Variants in DZANK1 observed in about 807,000 individuals in gnomAD.
DZANK1 encodes double zinc ribbon and ankyrin repeat-containing protein 1.
Under a neutral mutation model 94.5 loss-of-function variants are expected in DZANK1, and 91 were observed. The observed-to-expected ratio is 0.96, with a 90% CI of 0.81 to 1.15. The LOEUF is 1.15. Among genes scored for constraint, DZANK1 ranks in the 50% most tolerant of loss-of-function variants. The pLI is 0.00. For missense variants in DZANK1, 903 were observed against 916.4 expected (o/e 0.99, Z 0.19); for synonymous variants, 312 against 325.3 (o/e 0.96, Z 0.44).
At chr20:18,426,963 T>C in intron 10 of DZANK1, 104 bp downstream of exon 10, 1 of 663,030 alleles carries the variant, frequency 1.5e-6, no homozygotes, top group Non-Finnish European at 2.3e-6. Context: ...GAAGCTTTTT[T>C]TGGTCTCTCT....
chr20:18,415,466 C>A lies in DZANK1; in HGVS notation c.955-17G>T. The A allele has an allele frequency of 6.7e-7, 1 of 1,485,306 alleles. No homozygotes were observed. Among genetic ancestry groups the A allele is most frequent in the Non-Finnish European group, 9.0e-7 (1 of 1,111,520 alleles). The allele number at this position is 1,485,306 out of a possible 1,614,324, so 92.0% of individuals were successfully genotyped here. A position where few individuals can be genotyped will look rare whatever the true frequency, so the allele number is the denominator to read the frequency against. ...GCACATCGACTGGTGAATGAAATGG[C>A]ATTTAAAGGCAGGATCAGTACTATA... On this transcript the variant is annotated splice_polypyrimidine_tract_variant and intron_variant, in intron 10 of 20. Coordinates refer to ENST00000262547, the Ensembl canonical transcript of DZANK1.
intron 17 of DZANK1, among the ~76,000 whole-genome samples, chr20:18,391,008 C>T (rs1389842505): frequency 1.3e-5 from 2 of 152,094 alleles, no homozygotes. Context: ...CCAGCCTAGC[C>T]AACATGGTGA....
In DZANK1 at chr20:18,390,558, G is replaced by A. The variant is rs531977252; in HGVS notation, c.1810-99C>T. On this transcript the variant is annotated intron_variant, in intron 17 of 20. Coordinates refer to ENST00000262547, the Ensembl canonical transcript of DZANK1. ...ATTGAATTCTAAGTCACAAGGACAG[G>A]TGACTATGAGTGTGTGCATGTGTGA... The A allele has an allele frequency of 2.7e-6, 3 of 1,100,494 alleles. No homozygotes were observed. In the South Asian group the frequency reaches 3.9e-5, roughly 14 times the overall value. The allele number at this position is 1,100,494 out of a possible 1,614,324, so 68.2% of individuals were successfully genotyped here.
At chr20:18,390,804 T>C (rs142642698) in intron 17 of DZANK1, among the ~76,000 whole-genome samples, 2 of 152,214 alleles carry the variant, frequency 1.3e-5, no homozygotes, top group African/African-American at 4.8e-5. Flanking sequence ...AAAATTTATT[T>C]TGCATACTTT....
intron 6 of DZANK1, among the ~76,000 whole-genome samples, chr20:18,452,161 C>T (rs2059126581): frequency 6.6e-6 from 1 of 151,682 alleles, no homozygotes; most frequent in Non-Finnish European, 1.5e-5. Flanking sequence ...TGGTTTGAAG[C>T]TCTTCAGGTG....
intron 19 of DZANK1, among the ~76,000 whole-genome samples, chr20:18,389,225 G>C (rs1384800802): frequency 1.3e-5 from 2 of 152,186 alleles, no homozygotes; most frequent in African/African-American, 4.8e-5. Flanking sequence ...CAAGGCAGCA[G>C]GAGACCATGT....
At chr20:18,399,574 G>A (rs1249501043) in intron 13 of DZANK1, among the ~76,000 whole-genome samples, 1 of 152,142 alleles carries the variant, frequency 6.6e-6, no homozygotes, top group Non-Finnish European at 1.5e-5. Context: ...TGCCAAACGT[G>A]TACACCCCAA....
exon 9 of DZANK1, chr20:18,433,653 T>TCCACAG (rs2058380088): frequency 6.2e-7 from 1 of 1,613,376 alleles, no homozygotes; most frequent in Non-Finnish European, 8.5e-7. Context: ...TTTCATTACC[T>TCCACAG]TCAAGTGGAG....
At chr20:18,434,273 G>A (rs1183102621) in intron 8 of DZANK1, among the ~76,000 whole-genome samples, 2 of 151,962 alleles carry the variant, frequency 1.3e-5, no homozygotes, top group East Asian at 1.9e-4. Context: ...GGCTGGGTGC[G>A]GTGGCTCATG....
intron 9 of DZANK1, among the ~76,000 whole-genome samples, chr20:18,429,720 G>A (rs984230307): frequency 2.0e-5 from 3 of 152,160 alleles, no homozygotes; most frequent in Non-Finnish European, 2.9e-5. Flanking sequence ...ACTTTACTGC[G>A]TCAGGTCTAT....
chr20:18,457,975 A>T (rs999234761), intron 3 of DZANK1, among the ~76,000 whole-genome samples: 1 of 152,198 alleles, frequency 6.6e-6, no homozygotes, highest in Non-Finnish European at 1.5e-5. Flanking sequence ...TACGCATTGA[A>T]AGCTCACCTT....
intron 7 of DZANK1, among the ~76,000 whole-genome samples, chr20:18,444,726 C>A (rs2058818713): frequency 7.4e-6 from 1 of 135,728 alleles, no homozygotes; most frequent in Non-Finnish European, 1.7e-5. Flanking sequence ...TAGGAGTTGT[C>A]AGGTATGGTT....
At chr20:18,426,957 C>CT in intron 10 of DZANK1, 110 bp downstream of exon 10, 4 of 615,310 alleles carry the variant, frequency 6.5e-6, no homozygotes, top group Non-Finnish European at 1.0e-5. Context: ...CCATGAGAAG[C>CT]TTTTTTTGGT....
At chr20:18,387,250 T>C (rs1217287537) in intron 19 of DZANK1, among the ~76,000 whole-genome samples, 1 of 152,230 alleles carries the variant, frequency 6.6e-6, no homozygotes, top group Admixed American at 6.5e-5. Context: ...TCATTCTATG[T>C]ATTGCATGGG....
At chr20:18,454,135 C>A in intron 4 of DZANK1, 1 of 433,932 alleles carries the variant, frequency 2.3e-6, no homozygotes, top group Non-Finnish European at 4.4e-6. Context: ...GAGGGACCAC[C>A]AAGTCCAGAG....
intron 17 of DZANK1, among the ~76,000 whole-genome samples, chr20:18,391,247 T>C (rs2055964461): frequency 6.6e-6 from 1 of 152,004 alleles, no homozygotes; most frequent in African/African-American, 2.4e-5. Flanking sequence ...CTTTTTTTTT[T>C]CTCTGAGATG....
chr20:18,444,669 A>G (rs772588427), intron 7 of DZANK1, among the ~76,000 whole-genome samples: 37 of 152,362 alleles, frequency 2.4e-4, no homozygotes, highest in East Asian at 1.9e-4. Flanking sequence ...TTACCGAGGT[A>G]TCAGTTAGAA....
intron 15 of DZANK1, chr20:18,394,595 C>A: frequency 1.5e-6 from 1 of 666,226 alleles, no homozygotes; most frequent in Non-Finnish European, 2.8e-6. Flanking sequence ...GCCCCAGCCC[C>A]CTCGTCTCAC....
rs6075338 is a variant in DZANK1 at position 18,412,855 on chromosome 20, C to T, written c.1243-20G>A. On this transcript the variant is annotated intron_variant, in intron 12 of 20. Coordinates refer to ENST00000262547, the Ensembl canonical transcript of DZANK1. ...CAGGGACTGCCAGGCACATCGGGGC[C>T]ATGCGTGAGGCAGAAGACATTTTTA... is the stretch of plus-strand genomic sequence containing the variant. 1,227,502 of 1,611,904 alleles carry T rather than the reference C, an allele frequency of 0.76. 474,786 individuals carry two copies. Among genetic ancestry groups the T allele is most frequent in the South Asian group, 0.83 (75,174 of 90,926 alleles).
Sources: allele counts gnomAD v4.1 joint callset (sites outside exome capture counted in the v4.1 genomes callset), GRCh38; gene constraint gnomAD v4.1.1; transcripts MANE v1.5; gene names NCBI Gene and HGNC (gene_info 2026-07-23, HGNC 2026-07-21).